FAM168A: variants seen among roughly 807,000 people sequenced by gnomAD.
FAM168A encodes the protein family with sequence similarity 168 member A.
A neutral mutation model predicts 28.5 loss-of-function variants in FAM168A; 3 were observed. The observed-to-expected ratio is 0.11, with a 90% CI of 0.05 to 0.27. The LOEUF is 0.27. Ranked by LOEUF, FAM168A falls within the 10% of genes least tolerant of loss-of-function variation. The probability of loss-of-function intolerance (pLI) is 1.00; values close to 1 mark genes in which losing one functional copy is unlikely to be tolerated. For synonymous variants in FAM168A, 122 were observed against 124.2 expected (o/e 0.98, Z 0.12); for missense variants, 222 against 311.5 (o/e 0.71, Z 2.16).
intron 1 of FAM168A, among the ~76,000 whole-genome samples, chr11:73,534,208 G>C (rs994102239): frequency 9.2e-5 from 14 of 152,070 alleles, no homozygotes; most frequent in Admixed American, 8.5e-4. Flanking sequence ...ATGGAGACGA[G>C]CAATAGCCAT....
chr11:73,543,199 C>T (rs1163708957), intron 1 of FAM168A, among the ~76,000 whole-genome samples: 2 of 151,580 alleles, frequency 1.3e-5, no homozygotes, highest in East Asian at 1.9e-4. Context: ...GCTGTATCCC[C>T]GGAGCTAAGA....
At chr11:73,468,152 T>G (rs1867763659) in intron 2 of FAM168A, among the ~76,000 whole-genome samples, 1 of 152,242 alleles carries the variant, frequency 6.6e-6, no homozygotes, top group Non-Finnish European at 1.5e-5. Context: ...TAGTTCTCAA[T>G]ATTTTAAAAT....
chr11:73,442,324 C>T lies in FAM168A; in HGVS notation c.71-11554G>A, dbSNP rs944033975. Among the ~76,000 whole-genome samples, 8 of 152,028 alleles carry T rather than the reference C, an allele frequency of 5.3e-5. No homozygotes were observed. In the South Asian group the frequency reaches 6.2e-4, roughly 12 times the overall value. ...GTATTTTTTAGTAGAGATGGGGTTTCGCCGTGTTAGCCAGGATGGTCTCGA... is the reference window on the plus strand; with the variant it reads ...GTATTTTTTAGTAGAGATGGGGTTTTGCCGTGTTAGCCAGGATGGTCTCGA... On this transcript the variant is annotated intron_variant, in intron 2 of 7. Transcript: ENST00000356467.
chr11:73,504,739 A>G (rs1322799201), intron 1 of FAM168A, among the ~76,000 whole-genome samples: 1 of 152,232 alleles, frequency 6.6e-6, no homozygotes, highest in Non-Finnish European at 1.5e-5. Context: ...ACAATAGCAA[A>G]GACATGGAAC....
intron 1 of FAM168A, among the ~76,000 whole-genome samples, chr11:73,511,765 T>C (rs1855230887): frequency 6.6e-6 from 1 of 152,186 alleles, no homozygotes; most frequent in South Asian, 2.1e-4. Flanking sequence ...CGAGTCTTAG[T>C]TTCCTCATCT....
intron 1 of FAM168A, among the ~76,000 whole-genome samples, chr11:73,527,358 A>C (rs1943460989): frequency 6.6e-6 from 1 of 152,124 alleles, no homozygotes; most frequent in Non-Finnish European, 1.5e-5. Context: ...TTAAGCCCTG[A>C]CCCATCCCAC....
intron 1 of FAM168A, among the ~76,000 whole-genome samples, chr11:73,503,733 TACTATACTACAAGGCTTCAA>T (rs1855054854): frequency 6.6e-6 from 1 of 152,174 alleles, no homozygotes; most frequent in African/African-American, 2.4e-5. Flanking sequence ...GGCATCATGC[TACTATACTACAAGGCTTCAA>T]ACTATACTAC....
chr11:73,417,734 T>C (rs540149594), intron 4 of FAM168A, among the ~76,000 whole-genome samples: 3 of 152,226 alleles, frequency 2.0e-5, no homozygotes, highest in South Asian at 4.2e-4. Flanking sequence ...TAATTTTTTG[T>C]ATTTTTAGTA....
At chr11:73,501,404 A>G (rs1855008172) in intron 1 of FAM168A, among the ~76,000 whole-genome samples, 1 of 152,250 alleles carries the variant, frequency 6.6e-6, no homozygotes, top group Non-Finnish European at 1.5e-5. Flanking sequence ...TCTCAGTGCC[A>G]CATGGCACTT....
At chr11:73,462,237 G>T (rs750672162) in intron 2 of FAM168A, among the ~76,000 whole-genome samples, 4 of 152,158 alleles carry the variant, frequency 2.6e-5, no homozygotes, top group Non-Finnish European at 5.9e-5. Context: ...ACCACTGCAT[G>T]CGGCATATAC....
chr11:73,594,493 A>G (rs1000292338), intron 1 of FAM168A, among the ~76,000 whole-genome samples: 4 of 152,112 alleles, frequency 2.6e-5, no homozygotes, highest in Non-Finnish European at 5.9e-5. Context: ...TATGTTCACA[A>G]TGTTTTGCAG....
chr11:73,553,707 C>T (rs1174443703), intron 1 of FAM168A, among the ~76,000 whole-genome samples: 2 of 152,120 alleles, frequency 1.3e-5, no homozygotes, highest in African/African-American at 2.4e-5. Context: ...CCTGGCCGGG[C>T]GCAGTGGCTC....
At chr11:73,420,131 G>T in intron 3 of FAM168A, 132 bp from the exon 4 acceptor site, 1 of 1,035,930 alleles carries the variant, frequency 9.7e-7, no homozygotes, top group Non-Finnish European at 1.4e-6. Flanking sequence ...ACATGGGATG[G>T]TCAGCCTTTC....
At chr11:73,566,913 A>T (rs1445109932) in intron 1 of FAM168A, among the ~76,000 whole-genome samples, 1 of 152,212 alleles carries the variant, frequency 6.6e-6, no homozygotes. Flanking sequence ...GTAGATTTTT[A>T]AAAATAAAAT....
At chr11:73,459,936 A>G (rs1409246473) in intron 2 of FAM168A, among the ~76,000 whole-genome samples, 1 of 136,092 alleles carries the variant, frequency 7.3e-6, no homozygotes, top group Non-Finnish European at 1.5e-5. Context: ...GCTGGAGTGC[A>G]GTGGCACAAT....
chr11:73,442,028 T>C (rs1037571974), intron 2 of FAM168A, among the ~76,000 whole-genome samples: 8 of 152,310 alleles, frequency 5.3e-5, no homozygotes, highest in Middle Eastern at 3.4e-3. Context: ...TTCTTTATCA[T>C]GTCCTTTCCT....
At chr11:73,456,169 A>G (rs1263480748) in intron 2 of FAM168A, among the ~76,000 whole-genome samples, 1 of 152,236 alleles carries the variant, frequency 6.6e-6, no homozygotes, top group Non-Finnish European at 1.5e-5. Flanking sequence ...GGCTTACCAT[A>G]GAAAAGATGT....
At chr11:73,556,899 C>T (rs1165928771) in intron 1 of FAM168A, among the ~76,000 whole-genome samples, 1 of 151,588 alleles carries the variant, frequency 6.6e-6, no homozygotes, top group African/African-American at 2.4e-5. Flanking sequence ...CATGGTGGCA[C>T]GCACCTATAA....
chr11:73,495,186 A>G (rs1037550077), intron 1 of FAM168A, among the ~76,000 whole-genome samples: 1 of 150,630 alleles, frequency 6.6e-6, no homozygotes, highest in Non-Finnish European at 1.5e-5. Flanking sequence ...AAAATTAGCC[A>G]GGCATGGTGG....
Sources: gnomAD v4.1 joint callset for allele counts (sites outside exome capture counted in the v4.1 genomes callset) on GRCh38, gnomAD v4.1.1 for gene constraint, MANE v1.5 for transcripts, NCBI Gene and HGNC (gene_info 2026-07-23, HGNC 2026-07-21) for gene names.